ME3: variants seen among roughly 807,000 people sequenced by gnomAD.
The protein encoded by ME3 is NADP-dependent malic enzyme, mitochondrial.
In ME3, 48 loss-of-function variants were observed where a neutral mutation model predicts 68.9. The ratio of observed to expected loss-of-function variants is 0.70; its 90% CI spans 0.55 to 0.89. ME3 has a LOEUF of 0.89. Among genes scored for constraint, ME3 ranks in the 40% least tolerant of loss-of-function variants. The pLI, the probability that ME3 is intolerant of heterozygous loss-of-function variation, is 0.00. For synonymous variants in ME3, 320 were observed against 318.8 expected (o/e 1.00, Z -0.04); for missense variants, 675 against 797.4 (o/e 0.85, Z 1.85).
At chr11:86,493,782 T>A (rs192145097) in intron 6 of ME3, among the ~76,000 whole-genome samples, 1 of 152,350 alleles carries the variant, frequency 6.6e-6, no homozygotes, top group Non-Finnish European at 1.5e-5. Context: ...GGACAGCAGA[T>A]GTTTTCCTTC....
chr11:86,559,636 AACAG>A, intron 3 of ME3, 50 bp downstream of exon 3: 5 of 1,554,348 alleles, frequency 3.2e-6, no homozygotes, highest in South Asian at 1.2e-5. Flanking sequence ...AAGCACAGGA[AACAG>A]ACAGCTCAGC....
At chr11:86,487,516 A>T in intron 6 of ME3, 76 bp from the exon 7 acceptor site, 1 of 1,183,888 alleles carries the variant, frequency 8.4e-7, no homozygotes, top group Non-Finnish European at 1.2e-6. Flanking sequence ...AGTATCCAGG[A>T]TTATTAGGAA....
intron 9 of ME3, 30 bp from the exon 10 acceptor site, chr11:86,450,032 A>C (rs1949544229): frequency 6.6e-7 from 1 of 1,506,628 alleles, no homozygotes; most frequent in Non-Finnish European, 9.2e-7. Context: ...AGATGTTCAG[A>C]CACAGGGCAA....
At chr11:86,654,359 C>T (rs1184088510) in intron 2 of ME3, among the ~76,000 whole-genome samples, 1 of 152,184 alleles carries the variant, frequency 6.6e-6, no homozygotes, top group Non-Finnish European at 1.5e-5. Context: ...AAAATACTGG[C>T]AAACTGAATC....
intron 2 of ME3, among the ~76,000 whole-genome samples, chr11:86,570,038 T>G (rs186604905): frequency 2.0e-5 from 3 of 152,324 alleles, no homozygotes; most frequent in Non-Finnish European, 4.4e-5. Context: ...CTCAGATCAG[T>G]CAGCCCACCT....
At chr11:86,457,599 G>A (rs1404000137) in intron 8 of ME3, 3 of 1,192,558 alleles carry the variant, frequency 2.5e-6, no homozygotes, top group African/African-American at 1.6e-5. Flanking sequence ...CTGCATTTTT[G>A]GGGTGCTCTT....
At chr11:86,595,416 C>T (rs1959252402) in intron 2 of ME3, among the ~76,000 whole-genome samples, 1 of 122,822 alleles carries the variant, frequency 8.1e-6, no homozygotes, top group Non-Finnish European at 1.7e-5. Context: ...GCATTATCTC[C>T]ATTTGACAGA....
At chr11:86,602,501 A>G (rs1455544324) in intron 2 of ME3, among the ~76,000 whole-genome samples, 1 of 152,168 alleles carries the variant, frequency 6.6e-6, no homozygotes, top group Non-Finnish European at 1.5e-5. Flanking sequence ...GGTAGGAAGA[A>G]TCAATATCGT....
intron 4 of ME3, among the ~76,000 whole-genome samples, chr11:86,551,070 T>C (rs146954621): frequency 1.2e-4 from 19 of 152,050 alleles, no homozygotes; most frequent in Admixed American, 3.3e-4. Flanking sequence ...ACCAGACATA[T>C]TGAGCGGGAA....
At chr11:86,670,162 A>C (rs1424862298) in intron 2 of ME3, among the ~76,000 whole-genome samples, 3 of 152,208 alleles carry the variant, frequency 2.0e-5, no homozygotes, top group Non-Finnish European at 2.9e-5. Flanking sequence ...TCAATAAGGC[A>C]GAAGGATTCG....
At position 86,465,164 on chromosome 11, in the gene ME3, G is replaced by A. The variant is rs780702883; in HGVS notation, c.846C>T (p.Phe282=). ...GCAGGCGGAAGGCATTGGCATTGGC[G>A]AAGTCTTCAAATTGGATGAGGCAAT... The change falls in exon 8 of 15, where the codon TTC becomes TTT. Residue 282 remains phenylalanine (F), a synonymous_variant. Transcript: ENST00000543262. 7.5e-5 allele frequency: 121 copies of A among 1,613,584 alleles called. No homozygotes were observed. The Admixed American group carries it at 1.6e-3, about 22-fold the overall frequency.
intron 2 of ME3, among the ~76,000 whole-genome samples, chr11:86,599,281 G>A (rs530017239): frequency 6.6e-6 from 1 of 152,196 alleles, no homozygotes; most frequent in Non-Finnish European, 1.5e-5. Context: ...TGAAAGCCAA[G>A]GCTCGAGAAC....
chr11:86,658,401 GT>G, intron 2 of ME3, among the ~76,000 whole-genome samples: 1 of 152,040 alleles, frequency 6.6e-6, no homozygotes, highest in South Asian at 2.1e-4. Context: ...GGGATTATAG[GT>G]GTGAGCCACT....
chr11:86,442,978 C>A, intron 13 of ME3, 59 bp from the exon 14 acceptor site: 1 of 1,401,294 alleles, frequency 7.1e-7, no homozygotes, highest in East Asian at 2.3e-5. Flanking sequence ...CCAAAACAAG[C>A]CCAACCCGTT....
chr11:86,558,539 T>C (rs1957044170), intron 3 of ME3, among the ~76,000 whole-genome samples: 1 of 152,226 alleles, frequency 6.6e-6, no homozygotes, highest in East Asian at 1.9e-4. Flanking sequence ...CAGAGGAATA[T>C]GAGTGCAGGG....
intron 2 of ME3, among the ~76,000 whole-genome samples, chr11:86,567,243 A>AAAGGAAGAAAGGAAGG (rs1554983083): frequency 6.9e-6 from 1 of 144,464 alleles, no homozygotes; most frequent in Non-Finnish European, 1.5e-5. Context: ...GAAAAGAAAG[A>AAAGGAAGAAAGGAAGG]AAGGAAGGAA....
At chr11:86,461,198 G>A (rs1336759599) in intron 8 of ME3, among the ~76,000 whole-genome samples, 1 of 152,188 alleles carries the variant, frequency 6.6e-6, no homozygotes, top group Non-Finnish European at 1.5e-5. Flanking sequence ...CAGACATAAT[G>A]GGGTTCCAGT....
intron 2 of ME3, among the ~76,000 whole-genome samples, chr11:86,646,161 A>G (rs1259065296): frequency 6.6e-6 from 1 of 152,218 alleles, no homozygotes; most frequent in Non-Finnish European, 1.5e-5. Context: ...AAAAGATCAC[A>G]ACTCTTTGCC....
intron 4 of ME3, among the ~76,000 whole-genome samples, chr11:86,541,989 C>T (rs655868): frequency 0.16 from 24,585 of 152,128 alleles, 2,072 homozygotes; most frequent in East Asian, 0.26. Context: ...CTGCAGCCTC[C>T]GCTGGTGATA....
Sources: gnomAD v4.1 joint callset for allele counts (sites outside exome capture counted in the v4.1 genomes callset) on GRCh38, gnomAD v4.1.1 for gene constraint, MANE v1.5 for transcripts, NCBI Gene and HGNC (gene_info 2026-07-23, HGNC 2026-07-21) for gene names.